Variants in GRID1 observed in about 807,000 individuals in gnomAD.
GRID1 encodes the protein glutamate receptor ionotropic, delta-1.
A neutral mutation model predicts 98.0 loss-of-function variants in GRID1; 28 were observed. The ratio of observed to expected loss-of-function variants is 0.29; its 90% CI spans 0.21 to 0.39. The LOEUF is 0.39. GRID1 is among the 10% of genes least tolerant of loss of function. GRID1 has a pLI of 1.00. For synonymous variants in GRID1, 553 were observed against 538.5 expected, an observed-to-expected ratio of 1.03 and a Z score of -0.37; for missense variants, 1,111 against 1,340.5, an observed-to-expected ratio of 0.83 and a Z score of 2.67.
At chr10:85,630,056 G>A (rs1842958508) in intron 13 of GRID1, among the ~76,000 whole-genome samples, 1 of 152,046 alleles carries the variant, frequency 6.6e-6, no homozygotes, top group Non-Finnish European at 1.5e-5. Context: ...TTTAATGGAG[G>A]GACAGATAGC....
At chr10:86,081,629 A>C (rs1843979710) in intron 4 of GRID1, among the ~76,000 whole-genome samples, 1 of 152,268 alleles carries the variant, frequency 6.6e-6, no homozygotes, top group African/African-American at 2.4e-5. Context: ...AATGTCCTTC[A>C]GTAAGTGAAT....
chr10:86,184,834 T>A (rs772805422), intron 3 of GRID1, among the ~76,000 whole-genome samples: 4 of 152,192 alleles, frequency 2.6e-5, no homozygotes, highest in African/African-American at 4.8e-5. Context: ...TATACAAAAA[T>A]CCATTGTATC....
chr10:85,709,423 C>T (rs1036963189), intron 12 of GRID1, among the ~76,000 whole-genome samples: 34 of 152,170 alleles, frequency 2.2e-4, no homozygotes, highest in African/African-American at 7.7e-4. Flanking sequence ...ACTAGTTGAA[C>T]CTTTCACTTT....
intron 8 of GRID1, among the ~76,000 whole-genome samples, chr10:85,783,745 G>A (rs1420582237): frequency 6.6e-6 from 1 of 152,044 alleles, no homozygotes; most frequent in Non-Finnish European, 1.5e-5. Flanking sequence ...AGGCAATCAG[G>A]GACCTGCCCA....
intron 13 of GRID1, among the ~76,000 whole-genome samples, chr10:85,621,076 C>T (rs1161390387): frequency 1.3e-5 from 2 of 152,156 alleles, no homozygotes; most frequent in Non-Finnish European, 2.9e-5. Flanking sequence ...TTTGGGCACT[C>T]GGAGGGAATG....
intron 4 of GRID1, among the ~76,000 whole-genome samples, chr10:86,091,454 C>T (rs1844146604): frequency 1.3e-5 from 2 of 152,056 alleles, no homozygotes; most frequent in African/African-American, 2.4e-5. Flanking sequence ...GAATCTCACC[C>T]CCATCCCCCA....
chr10:85,837,301 C>A (rs1017695005), intron 8 of GRID1, among the ~76,000 whole-genome samples: 3 of 152,220 alleles, frequency 2.0e-5, no homozygotes, highest in African/African-American at 4.8e-5. Context: ...ACCTCCAGCA[C>A]AACAGTGCAC....
chr10:86,188,120 G>A (rs1016262978), intron 3 of GRID1, among the ~76,000 whole-genome samples: 5 of 152,214 alleles, frequency 3.3e-5, no homozygotes, highest in African/African-American at 4.8e-5. Context: ...AGGCGTGAGC[G>A]TGTATGGCTC....
chr10:85,675,421 T>A (rs1317011390), intron 12 of GRID1, among the ~76,000 whole-genome samples: 2 of 152,184 alleles, frequency 1.3e-5, no homozygotes, highest in African/African-American at 4.8e-5. Context: ...AGCTTGAACC[T>A]ACCACAGGGA....
intron 2 of GRID1, among the ~76,000 whole-genome samples, chr10:86,224,131 T>C (rs1423266768): frequency 6.6e-6 from 1 of 152,196 alleles, no homozygotes; most frequent in Non-Finnish European, 1.5e-5. Context: ...CTCCAACCTC[T>C]TGAACTCCCG....
chr10:86,243,324 G>C (rs1166261443), intron 2 of GRID1, among the ~76,000 whole-genome samples: 1 of 152,174 alleles, frequency 6.6e-6, no homozygotes, highest in Non-Finnish European at 1.5e-5. Context: ...GCCATCCTCA[G>C]ATGGAGTCTT....
intron 2 of GRID1, chr10:86,264,772 C>G (rs755298683): frequency 6.1e-6 from 3 of 492,948 alleles, no homozygotes; most frequent in Non-Finnish European, 1.3e-5. Flanking sequence ...GGCAGACAGA[C>G]GCCCAACACA....
At chr10:86,127,965 T>C (rs945564574) in intron 4 of GRID1, among the ~76,000 whole-genome samples, 1 of 152,184 alleles carries the variant, frequency 6.6e-6, no homozygotes, top group Non-Finnish European at 1.5e-5. Flanking sequence ...TTAATTCCCA[T>C]GGCAACCCTC....
In GRID1 at chr10:86,218,271, G is replaced by C. The variant is rs549916738; in HGVS notation, c.236-11623C>G. 6.7e-4 allele frequency among the ~76,000 whole-genome samples: 102 copies of C among 152,196 alleles called. No individual in the cohort carries two copies. In the East Asian group the frequency reaches 0.011, roughly 17 times the overall value. On this transcript the variant is annotated intron_variant, in intron 2 of 15. Transcript: ENST00000327946. Reference sequence around the variant, plus strand: ...ACCGCAGCCTATGTCCTGCCTCCCTGGTAGGGCTGACTGCTCCAAAGCTCC... The same window carrying C: ...ACCGCAGCCTATGTCCTGCCTCCCTCGTAGGGCTGACTGCTCCAAAGCTCC...
At chr10:86,139,092 C>G (rs1844974848) in intron 3 of GRID1, 68 bp from the exon 4 acceptor site, 2 of 1,061,254 alleles carry the variant, frequency 1.9e-6, no homozygotes, top group East Asian at 4.7e-5. Flanking sequence ...GGGAGGGTGT[C>G]TAACTGCAAC....
At chr10:86,254,602 G>A (rs1293603541) in intron 2 of GRID1, among the ~76,000 whole-genome samples, 1 of 152,224 alleles carries the variant, frequency 6.6e-6, no homozygotes, top group Non-Finnish European at 1.5e-5. Flanking sequence ...CGGGAGCCTG[G>A]AGTCAGTGTT....
At chr10:86,278,589 G>C (rs1413709472) in intron 2 of GRID1, among the ~76,000 whole-genome samples, 1 of 151,804 alleles carries the variant, frequency 6.6e-6, no homozygotes, top group Non-Finnish European at 1.5e-5. Flanking sequence ...AGAAATAAAA[G>C]AGATGATATT....
chr10:85,608,959 A>C lies in GRID1; in HGVS notation c.2601+4448T>G, dbSNP rs140717067. 9.7e-4 allele frequency among the ~76,000 whole-genome samples: 148 copies of C among 152,250 alleles called. 2 individuals are homozygous for C. The highest frequency in any genetic ancestry group is 3.4e-3 in the African/African-American group (141 of 41,556). On this transcript the variant is annotated intron_variant, in intron 15 of 15. Coordinates refer to ENST00000327946, the MANE Select transcript of GRID1 (RefSeq NM_017551.3). ...AGAAGGGAGAGACTGAGGTTCAGAT[A>C]ATGTAAATGTGTAGCCAGAAGCCAG...
In GRID1 at chr10:86,204,541, A is replaced by C. The variant is rs1343820766; in HGVS notation, c.520+1823T>G. ...CCTTTCTTTGAGGACCTGCATCTTG[A>C]GAAGAGTGAGGGTAAGGAGGGTAAT... is the stretch of plus-strand genomic sequence containing the variant. On this transcript the variant is annotated intron_variant, in intron 3 of 15. Coordinates refer to ENST00000327946, the MANE Select transcript of GRID1 (RefSeq NM_017551.3). Among the ~76,000 whole-genome samples the C allele has an allele frequency of 4.6e-5, 7 of 152,300 alleles. No homozygotes were observed. In the East Asian group the frequency reaches 1.2e-3, roughly 25 times the overall value.
Sources: allele counts gnomAD v4.1 joint callset (sites outside exome capture counted in the v4.1 genomes callset), GRCh38; gene constraint gnomAD v4.1.1; transcripts MANE v1.5; gene names NCBI Gene and HGNC (gene_info 2026-07-23, HGNC 2026-07-21).